The following PHIP variants were observed in gnomAD, a reference collection of about 807,000 sequenced individuals.
The protein encoded by PHIP is PHIP subunit of CUL4-Ring ligase complex, also known as PH-interacting protein.
In PHIP, 54 loss-of-function variants were observed where a neutral mutation model predicts 236.8. That is an observed-to-expected ratio of 0.23 (90% CI 0.18 to 0.29). The LOEUF is 0.29. PHIP is among the 10% of genes least tolerant of loss of function. The pLI is 1.00. For synonymous variants in PHIP, 756 were observed against 718.9 expected (o/e 1.05, Z -0.83); for missense variants, 1,370 against 2,190.8 (o/e 0.63, Z 7.48).
chr6:78,992,054 C>G (rs543292907), intron 19 of PHIP, among the ~76,000 whole-genome samples: 7 of 151,096 alleles, frequency 4.6e-5, no homozygotes, highest in Admixed American at 1.3e-4. Context: ...CTCTGCCCCC[C>G]GGGGTTCACA....
chr6:78,985,800 C>A (rs905333903), intron 21 of PHIP, among the ~76,000 whole-genome samples: 3 of 152,006 alleles, frequency 2.0e-5, no homozygotes, highest in Non-Finnish European at 2.9e-5. Context: ...TGAGATCGCA[C>A]CACTACACTC....
chr6:79,001,731 T>C (rs1221647093), intron 17 of PHIP, among the ~76,000 whole-genome samples, 168 bp downstream of exon 17: 1 of 152,130 alleles, frequency 6.6e-6, no homozygotes, highest in African/African-American at 2.4e-5. Context: ...CCATGTTCCA[T>C]AATTAACTTG....
intron 4 of PHIP, among the ~76,000 whole-genome samples, chr6:79,073,417 A>T (rs1489943726): frequency 6.6e-6 from 1 of 152,202 alleles, no homozygotes; most frequent in Admixed American, 6.5e-5. Context: ...TACTCTACTA[A>T]AAAAGGAAAT....
chr6:79,013,826 T>C (rs1562179061), intron 15 of PHIP, among the ~76,000 whole-genome samples: 1 of 151,610 alleles, frequency 6.6e-6, no homozygotes. Flanking sequence ...TATATATAGC[T>C]CACATATTAT....
Position 78,947,715 on chromosome 6 carries a change from C to A in PHIP, c.4114G>T (p.Ala1372Ser). The A allele has an allele frequency of 6.3e-7, 1 of 1,593,574 alleles. No individual in the cohort carries two copies. The change falls in exon 36 of 40, where the codon GCT (alanine) becomes TCT (serine). Residue 1372 changes from alanine to serine, a missense_variant. Ala to Ser is a moderately conservative substitution (Grantham distance 99). Around this residue, in one of 14 missense-constraint regions of PHIP, gnomAD observed 125 missense variants for 235.1 expected, o/e 0.53. Transcript: ENST00000275034. ...DFATVRETLE[A>S]GNYESPMELC... ...TCCATTGGTGACTCATAATTCCCAG[C>A]CTCTAAAGTTTCTCTAACGGTAGCA... is the stretch of plus-strand genomic sequence containing the variant.
chr6:79,039,093 T>G (rs527419352), intron 7 of PHIP, among the ~76,000 whole-genome samples: 73 of 152,318 alleles, frequency 4.8e-4, no homozygotes, highest in Non-Finnish European at 9.3e-4. Flanking sequence ...TAGAGTTAGT[T>G]TGAATCCATC....
chr6:79,029,512 GTTTTA>G (rs1237917737), intron 7 of PHIP, among the ~76,000 whole-genome samples: 2 of 152,064 alleles, frequency 1.3e-5, no homozygotes, highest in Non-Finnish European at 2.9e-5. Context: ...CTATAAATGT[GTTTTA>G]TTTTATTATT....
At chr6:78,992,054 C>CG (rs373432220) in intron 19 of PHIP, among the ~76,000 whole-genome samples, 21 of 151,214 alleles carry the variant, frequency 1.4e-4, no homozygotes, top group African/African-American at 5.1e-4. Context: ...CTCTGCCCCC[C>CG]GGGGTTCACA....
In PHIP at chr6:78,988,235, T is replaced by C. The variant is rs1460128323; in HGVS notation, c.2434A>G (p.Ile812Val). ...TCTGAAGAACTACTGCCATTTTCTA[T>C]CTCTTCTGAGGGTCTAGGAGTCTCT... ...LEETPRPSEEIENGSSSSDEG... is the reference protein window; with the variant it reads ...LEETPRPSEEVENGSSSSDEG... Residue 812 changes from isoleucine (I) to valine (V), a missense_variant, in exon 21 of 40, where the codon ATA (isoleucine) becomes GTA (valine). By Grantham distance (29) the Ile-to-Val change is conservative. Transcript: ENST00000275034. 3.8e-6 allele frequency: 6 copies of C among 1,586,586 alleles called. No individual in the cohort carries two copies. The highest frequency in any genetic ancestry group is 4.6e-5 in the East Asian group (2 of 43,868).
chr6:78,965,833 T>G lies in PHIP; in HGVS notation c.3318-69A>C, dbSNP rs1767089654. The stretch of plus-strand genomic sequence containing the variant: ...GTATCACAATTTTAATAAAATCAAT[T>G]ATCAAAATAATTGCTTCTGTGTTTA... On this transcript the variant is annotated intron_variant, in intron 28 of 39. Transcript: ENST00000275034. The G allele has an allele frequency of 4.2e-6, 5 of 1,182,048 alleles. No individual in the cohort carries two copies. In the Admixed American group the frequency reaches 9.5e-5, roughly 22 times the overall value. The allele number at this position is 1,182,048 out of a possible 1,614,324, so 73.2% of individuals were successfully genotyped here. A position where few individuals can be genotyped will look rare whatever the true frequency, so the allele number is the denominator to read the frequency against.
At chr6:78,986,067 G>C (rs1768850570) in intron 21 of PHIP, among the ~76,000 whole-genome samples, 1 of 151,998 alleles carries the variant, frequency 6.6e-6, no homozygotes, top group Non-Finnish European at 1.5e-5. Context: ...TACTTCTTGA[G>C]CCTTTTTAAA....
intron 6 of PHIP, among the ~76,000 whole-genome samples, chr6:79,058,646 A>C (rs1773196846): frequency 6.6e-6 from 1 of 152,178 alleles, no homozygotes; most frequent in African/African-American, 2.4e-5. Context: ...TAAAATAAGC[A>C]TAATAGTTCC....
At chr6:79,007,875 A>C (rs956915960) in intron 15 of PHIP, among the ~76,000 whole-genome samples, 3 of 152,108 alleles carry the variant, frequency 2.0e-5, no homozygotes, top group Admixed American at 2.0e-4. Flanking sequence ...AAAAACTTTT[A>C]GATTAGAGCT....
At chr6:79,050,440 A>T (rs1222764483) in intron 6 of PHIP, among the ~76,000 whole-genome samples, 1 of 152,158 alleles carries the variant, frequency 6.6e-6, no homozygotes, top group Non-Finnish European at 1.5e-5. Flanking sequence ...CCAGGTTTAA[A>T]CTCAGGCAGT....
chr6:79,015,655 G>T lies in PHIP; in HGVS notation c.1364C>A (p.Thr455Asn). Reference protein sequence around the residue: ...NMTLKVWNSYTGQLIHVLMGH... With the variant: ...NMTLKVWNSYNGQLIHVLMGH... ...CATCAGGACATGAATTAGTTGACCAGTGTAAGAATTCCAAACTTTCAGAGT... is the reference window on the plus strand; with the variant it reads ...CATCAGGACATGAATTAGTTGACCATTGTAAGAATTCCAAACTTTCAGAGT... The change falls in exon 14 of 40, where the codon ACT becomes AAT. Residue 455 changes from threonine (T) to asparagine (N), a missense_variant. Around this residue, in one of 14 missense-constraint regions of PHIP, gnomAD observed 188 missense variants for 354.3 expected, o/e 0.53. Transcript: ENST00000275034. The T allele has an allele frequency of 6.2e-7, 1 of 1,607,054 alleles. No individual in the cohort carries two copies. The highest frequency in any genetic ancestry group is 8.5e-7 in the Non-Finnish European group (1 of 1,175,332).
intron 9 of PHIP, among the ~76,000 whole-genome samples, chr6:79,023,498 C>A (rs1045274647): frequency 7.9e-5 from 12 of 151,772 alleles, no homozygotes; most frequent in African/African-American, 2.9e-4. Context: ...CTTATAAATA[C>A]CTAGAAAAAA....
intron 6 of PHIP, among the ~76,000 whole-genome samples, chr6:79,049,774 T>C (rs546211037): frequency 3.9e-5 from 6 of 152,290 alleles, no homozygotes; most frequent in Non-Finnish European, 8.8e-5. Flanking sequence ...CAGAGAGTAA[T>C]GTCTATAAAA....
At chr6:79,001,851 T>C (rs1300230504) in intron 17 of PHIP, 48 bp downstream of exon 17, 4 of 1,225,926 alleles carry the variant, frequency 3.3e-6, no homozygotes, top group Admixed American at 1.7e-5. Flanking sequence ...ATTTTAACAG[T>C]TCGGTGGGAA....
rs1360214708 is a variant in PHIP at position 79,078,215 on chromosome 6, A to C, written c.-147T>G. Reference sequence around the variant, plus strand: ...ATTCAAGCAACGGCGGCGGAGGCGGAGGAGGAGGAGGAGGAAACAACAACT... The same window carrying C: ...ATTCAAGCAACGGCGGCGGAGGCGGCGGAGGAGGAGGAGGAAACAACAACT... On this transcript the variant is annotated 5_prime_UTR_variant, in exon 1 of 40. Coordinates refer to ENST00000275034, the MANE Select transcript of PHIP (RefSeq NM_017934.7). 3.5e-6 allele frequency: 2 copies of C among 571,574 alleles called. No individual in the cohort carries two copies. Among genetic ancestry groups the C allele is most frequent in the South Asian group, 2.6e-5 (1 of 38,340 alleles). The allele number at this position is 571,574 out of a possible 1,614,324, so 35.4% of individuals were successfully genotyped here.
Sources: gnomAD v4.1 joint callset for allele counts (sites outside exome capture counted in the v4.1 genomes callset) on GRCh38, gnomAD v4.1.1 for gene constraint, gnomAD v4.1.1 regional missense constraint, MANE v1.5 for transcripts, NCBI Gene and HGNC (gene_info 2026-07-23, HGNC 2026-07-21) for gene names.